The following SSH2 variants were observed in gnomAD, a reference collection of about 807,000 sequenced individuals.
SSH2 encodes the protein protein phosphatase Slingshot homolog 2.
In SSH2, 37 loss-of-function variants were observed where a neutral mutation model predicts 135.2. The observed-to-expected ratio is 0.27, with a 90% CI of 0.21 to 0.36. The LOEUF (loss-of-function observed/expected upper bound fraction) is 0.36, where lower values mean the gene tolerates loss of function less well. Among genes scored for constraint, SSH2 ranks in the 10% least tolerant of loss-of-function variants. The probability of loss-of-function intolerance (pLI) is 1.00; values close to 1 mark genes in which losing one functional copy is unlikely to be tolerated. For missense variants in SSH2, 1,408 were observed against 1,765.3 expected (o/e 0.80, Z 3.63); for synonymous variants, 628 against 646.2 (o/e 0.97, Z 0.43).
chr17:29,673,885 T>C (rs2037598582), intron 8 of SSH2: 3 of 330,406 alleles, frequency 9.1e-6, no homozygotes, highest in African/African-American at 2.1e-5. Flanking sequence ...TATTTAATGA[T>C]ATAGATGTAC....
At chr17:29,655,716 C>T in intron 11 of SSH2, 109 bp from the exon 12 acceptor site, 2 of 937,420 alleles carry the variant, frequency 2.1e-6, no homozygotes, top group Non-Finnish European at 1.7e-6. Flanking sequence ...ATAACATCTA[C>T]CAGTGCCCTT....
At chr17:29,666,811 C>T in intron 11 of SSH2, 56 bp downstream of exon 11, 1 of 1,537,096 alleles carries the variant, frequency 6.5e-7, no homozygotes. Context: ...TACCCCTGCC[C>T]ATGAGTCCAT....
At chr17:29,760,956 T>C in intron 3 of SSH2, 1 of 418,996 alleles carries the variant, frequency 2.4e-6, no homozygotes, top group Non-Finnish European at 4.1e-6. Context: ...CCCGGGACAC[T>C]TTCCGCCTCC....
chr17:29,750,685 G>T (rs940551710), intron 3 of SSH2, among the ~76,000 whole-genome samples: 2 of 151,010 alleles, frequency 1.3e-5, no homozygotes, highest in Non-Finnish European at 3.0e-5. Context: ...ACTGTGCATG[G>T]CTATACCTTT....
chr17:29,669,705 AT>A (rs1340186196), intron 9 of SSH2, among the ~76,000 whole-genome samples: 1 of 152,116 alleles, frequency 6.6e-6, no homozygotes, highest in African/African-American at 2.4e-5. Context: ...CTTAAGATAT[AT>A]CTCAAAATTA....
At chr17:29,766,474 A>G (rs1001584424) in intron 3 of SSH2, among the ~76,000 whole-genome samples, 3 of 151,916 alleles carry the variant, frequency 2.0e-5, no homozygotes, top group Non-Finnish European at 4.4e-5. Context: ...AAAAATAATA[A>G]TAATAAAGAA....
intron 3 of SSH2, among the ~76,000 whole-genome samples, chr17:29,707,844 C>T (rs1052729439): frequency 6.6e-6 from 1 of 151,946 alleles, no homozygotes; most frequent in South Asian, 2.1e-4. Flanking sequence ...CTATTAAATA[C>T]TATTATAATA....
In SSH2 at chr17:29,833,060, C is replaced by T. The variant is rs554008749; in HGVS notation, c.144+15789G>A. Among the ~76,000 whole-genome samples, 9 of 152,308 alleles carry T rather than the reference C, an allele frequency of 5.9e-5. No homozygotes were observed. The South Asian group carries it at 1.7e-3, about 28-fold the overall frequency. ...CATATGCTGAGAAAAAATGTGTATTCTGTAGCCATTGGAAGAAATGTTCTG... is the reference window on the plus strand; with the variant it reads ...CATATGCTGAGAAAAAATGTGTATTTTGTAGCCATTGGAAGAAATGTTCTG... On this transcript the variant is annotated intron_variant, in intron 2 of 15. Coordinates refer to ENST00000540801, the MANE Select transcript of SSH2 (RefSeq NM_001282129.2).
At chr17:29,662,566 T>C (rs2151024770) in intron 11 of SSH2, among the ~76,000 whole-genome samples, 1 of 152,344 alleles carries the variant, frequency 6.6e-6, no homozygotes, top group Middle Eastern at 3.4e-3. Flanking sequence ...TCCTTTCTAT[T>C]ACTGTCTCAC....
At chr17:29,801,019 C>A (rs1242937296) in intron 2 of SSH2, among the ~76,000 whole-genome samples, 1 of 151,910 alleles carries the variant, frequency 6.6e-6, no homozygotes, top group Non-Finnish European at 1.5e-5. Flanking sequence ...GTGTCTGCCA[C>A]CACCCCCTGT....
chr17:29,766,414 C>T (rs1006112531), intron 3 of SSH2, among the ~76,000 whole-genome samples: 7 of 151,276 alleles, frequency 4.6e-5, no homozygotes, highest in East Asian at 3.9e-4. Flanking sequence ...GCTAAGATCG[C>T]GCCACTGCAC....
intron 3 of SSH2, among the ~76,000 whole-genome samples, chr17:29,739,064 G>A (rs57118556): frequency 0.015 from 2,213 of 152,166 alleles, 57 homozygotes; most frequent in African/African-American, 0.049. Context: ...AAACACTATC[G>A]CAGAAGTTCT....
intron 2 of SSH2, among the ~76,000 whole-genome samples, chr17:29,841,118 A>T (rs1035800818): frequency 1.3e-5 from 2 of 152,176 alleles, no homozygotes; most frequent in Non-Finnish European, 2.9e-5. Context: ...GACTGAAAGG[A>T]GCAAGGAGGG....
intron 3 of SSH2, among the ~76,000 whole-genome samples, chr17:29,761,679 A>C (rs564633532): frequency 6.6e-6 from 1 of 152,154 alleles, no homozygotes; most frequent in Non-Finnish European, 1.5e-5. Flanking sequence ...GGATGTTTCA[A>C]CAGAAAAGTC....
chr17:29,859,844 T>G (rs2065730655), intron 1 of SSH2, among the ~76,000 whole-genome samples: 2 of 152,080 alleles, frequency 1.3e-5, no homozygotes, highest in African/African-American at 4.8e-5. Context: ...GTAGCTCTGT[T>G]TTTTTGTTTT....
chr17:29,710,328 G>C (rs1267452171), intron 3 of SSH2, among the ~76,000 whole-genome samples: 1 of 152,208 alleles, frequency 6.6e-6, no homozygotes, highest in Admixed American at 6.5e-5. Context: ...TCTGGAGTTG[G>C]TTTGATATTT....
At chr17:29,639,233 C>T (rs1241553205) in intron 14 of SSH2, among the ~76,000 whole-genome samples, 1 of 152,058 alleles carries the variant, frequency 6.6e-6, no homozygotes, top group Non-Finnish European at 1.5e-5. Flanking sequence ...TCATTTCAAA[C>T]CACACACTCT....
intron 1 of SSH2, among the ~76,000 whole-genome samples, chr17:29,917,205 A>G (rs2066898023): frequency 6.6e-6 from 1 of 151,050 alleles, no homozygotes. Flanking sequence ...CATTCAGTAG[A>G]AAAAAAAACT....
intron 1 of SSH2, among the ~76,000 whole-genome samples, chr17:29,917,496 A>AGG (rs2066903535): frequency 6.6e-6 from 1 of 152,218 alleles, no homozygotes; most frequent in Non-Finnish European, 1.5e-5. Context: ...GTAATGCCTT[A>AGG]TATCATCCCT....
Sources: gnomAD v4.1 joint callset for allele counts (sites outside exome capture counted in the v4.1 genomes callset) on GRCh38, gnomAD v4.1.1 for gene constraint, MANE v1.5 for transcripts, NCBI Gene and HGNC (gene_info 2026-07-23, HGNC 2026-07-21) for gene names.